KCNQ1OT1: variants seen among roughly 807,000 people sequenced by gnomAD.
KCNQ1OT1 encodes the protein KCNQ1 antisense RNA 2 (non-protein coding).
At chr11:2,697,489 AGTTTTGGTTTATAACTT>A in exon 1 of KCNQ1OT1, 1 of 398,584 alleles carries the variant, frequency 2.5e-6, no homozygotes, top group Non-Finnish European at 4.4e-6. Flanking sequence ...TGAAAAGTTA[AGTTTTGGTTTATAACTT>A]GTATCAAGTT....
In KCNQ1OT1 at chr11:2,647,721, G is replaced by C. The variant is rs1025554264; in HGVS notation, n.52274C>G. The C allele has an allele frequency of 5.0e-6, 2 of 398,150 alleles. No homozygotes were observed. Among genetic ancestry groups the C allele is most frequent in the Admixed American group, 4.4e-5 (1 of 22,698 alleles). 24.7% of individuals were successfully genotyped at this position (398,150 alleles called of 1,614,324 possible). A position where few individuals can be genotyped will look rare whatever the true frequency, so the allele number is the denominator to read the frequency against. On this transcript the variant is annotated non_coding_transcript_exon_variant, in exon 1 of 1. Transcript: ENST00000597346. This position sits in a 1 kb window ranked among gnomAD's most constrained non-coding sequence, Gnocchi z 4.0. ...TTTTTTTCTTCCTGGTTCAATCTTG[G>C]GAGGTTATATATGTCCAGGAATTTA...
chr11:2,627,580 T>G lies in KCNQ1OT1; in HGVS notation n.72415A>C, dbSNP rs950369517. On this transcript the variant is annotated non_coding_transcript_exon_variant, in exon 1 of 1. Coordinates refer to ENST00000597346, the Ensembl canonical transcript of KCNQ1OT1. The surrounding 1 kb of genome is among the most constrained non-coding windows in gnomAD (Gnocchi z 4.9). The stretch of plus-strand genomic sequence containing the variant: ...GTCTTTCTGTGTCTGGCTATTTCAC[T>G]TAGCATAATATCCTCCAGGTTCATC... The G allele has an allele frequency of 2.8e-5, 11 of 398,494 alleles. No individual in the cohort carries two copies. The highest frequency in any genetic ancestry group is 4.9e-5 in the Non-Finnish European group (11 of 226,082). The allele number at this position is 398,494 out of a possible 1,614,324, so 24.7% of individuals were successfully genotyped here.
Position 2,653,445 on chromosome 11 carries a change from T to C in KCNQ1OT1, n.46550A>G. The C allele has an allele frequency of 2.5e-6, 1 of 398,562 alleles. No homozygotes were observed. Among genetic ancestry groups the C allele is most frequent in the East Asian group, 3.6e-5 (1 of 28,074 alleles). 24.7% of individuals were successfully genotyped at this position (398,562 alleles called of 1,614,324 possible). On this transcript the variant is annotated non_coding_transcript_exon_variant, in exon 1 of 1. Coordinates refer to ENST00000597346, the Ensembl canonical transcript of KCNQ1OT1. The surrounding 1 kb of genome is among the most constrained non-coding windows in gnomAD (Gnocchi z 5.3). Reference sequence around the variant, plus strand: ...AACAAGCTTAAGCACAAAAGGGACATTTTTTGGCTCACACAGCTGGACCCA... The same window carrying C: ...AACAAGCTTAAGCACAAAAGGGACACTTTTTGGCTCACACAGCTGGACCCA...
chr11:2,612,972 A>C lies in KCNQ1OT1; in HGVS notation n.87023T>G. On this transcript the variant is annotated non_coding_transcript_exon_variant, in exon 1 of 1. Coordinates refer to ENST00000597346, the Ensembl canonical transcript of KCNQ1OT1. This position sits in a 1 kb window ranked among gnomAD's most constrained non-coding sequence, Gnocchi z 5.5. The stretch of plus-strand genomic sequence containing the variant: ...GAGTCTGTGTTCTCCTGCAGTGTGC[A>C]GCCACTGGTGTCTTTGCTCAGTTTT... 2.5e-6 allele frequency: 1 copy of C among 398,614 alleles called. No homozygotes were observed. Among genetic ancestry groups the C allele is most frequent in the Non-Finnish European group, 4.4e-6 (1 of 226,070 alleles). The allele number at this position is 398,614 out of a possible 1,614,324, so 24.7% of individuals were successfully genotyped here. A position where few individuals can be genotyped will look rare whatever the true frequency, so the allele number is the denominator to read the frequency against.
chr11:2,620,980 T>G lies in KCNQ1OT1; in HGVS notation n.79015A>C, dbSNP rs1564836199. ...TTTGTCTGTTTTTTGCTTTTTTGTT[T>G]GTTTGTTTGTTTTTTGAGAAAGAGT... On this transcript the variant is annotated non_coding_transcript_exon_variant, in exon 1 of 1. Coordinates refer to ENST00000597346, the Ensembl canonical transcript of KCNQ1OT1. The surrounding 1 kb of genome is among the most constrained non-coding windows in gnomAD (Gnocchi z 4.5). 2 of 397,896 alleles carry G rather than the reference T, an allele frequency of 5.0e-6. No homozygotes were observed. Among genetic ancestry groups the G allele is most frequent in the Non-Finnish European group, 4.4e-6 (1 of 226,024 alleles). 24.6% of individuals were successfully genotyped at this position (397,896 alleles called of 1,614,324 possible).
Position 2,665,278 on chromosome 11 carries a change from C to G in KCNQ1OT1, n.34717G>C, listed in dbSNP as rs565014702. 9.9e-4 allele frequency: 394 copies of G among 398,462 alleles called. No homozygotes were observed. The highest frequency in any genetic ancestry group is 1.3e-3 in the Admixed American group (29 of 22,708). 24.7% of individuals were successfully genotyped at this position (398,462 alleles called of 1,614,324 possible). ...CCTCAAACTCCCTGAGCCTGTGTCT[C>G]CCACCCAGAACCATATGACAGGGCT... On this transcript the variant is annotated non_coding_transcript_exon_variant, in exon 1 of 1. Transcript: ENST00000597346.
exon 1 of KCNQ1OT1, chr11:2,643,833 C>T: frequency 5.0e-6 from 2 of 398,482 alleles, no homozygotes; most frequent in Non-Finnish European, 4.4e-6. Context: ...TTTATTTCTC[C>T]TTCATTTCTG....
In KCNQ1OT1 at chr11:2,671,383, C is replaced by G; in HGVS notation, n.28612G>C. Reference sequence around the variant, plus strand: ...TATCCTGAAAAAGGTACAGGAACACCTGGCATGCCTCTCCCAGGGTACTCT... The same window carrying G: ...TATCCTGAAAAAGGTACAGGAACACGTGGCATGCCTCTCCCAGGGTACTCT... On this transcript the variant is annotated non_coding_transcript_exon_variant, in exon 1 of 1. Transcript: ENST00000597346. This position sits in a 1 kb window ranked among gnomAD's most constrained non-coding sequence, Gnocchi z 4.7. 1 of 398,592 alleles carries G rather than the reference C, an allele frequency of 2.5e-6. No homozygotes were observed. Among genetic ancestry groups the G allele is most frequent in the Non-Finnish European group, 4.4e-6 (1 of 226,058 alleles). The allele number at this position is 398,592 out of a possible 1,614,324, so 24.7% of individuals were successfully genotyped here.
chr11:2,678,649 C>T lies in KCNQ1OT1; in HGVS notation n.21346G>A. On this transcript the variant is annotated non_coding_transcript_exon_variant, in exon 1 of 1. Coordinates refer to ENST00000597346, the Ensembl canonical transcript of KCNQ1OT1. The surrounding 1 kb of genome is among the most constrained non-coding windows in gnomAD (Gnocchi z 4.9). Reference sequence around the variant, plus strand: ...GAGCCAATAATGGGAAGCTCATTTTCACAAATGCAGTCAACCAGGGGAATT... The same window carrying T: ...GAGCCAATAATGGGAAGCTCATTTTTACAAATGCAGTCAACCAGGGGAATT... 2.5e-6 allele frequency: 1 copy of T among 395,182 alleles called. No homozygotes were observed. The highest frequency in any genetic ancestry group is 4.4e-6 in the Non-Finnish European group (1 of 225,496). The allele number at this position is 395,182 out of a possible 1,614,324, so 24.5% of individuals were successfully genotyped here.
At chr11:2,630,122 C>A in exon 1 of KCNQ1OT1, 3 of 398,212 alleles carry the variant, frequency 7.5e-6, no homozygotes, top group Non-Finnish European at 8.9e-6. Context: ...TAGTTTTTAT[C>A]ATGGAAGGAT....
Position 2,649,013 on chromosome 11 carries a change from A to G in KCNQ1OT1, n.50982T>C, listed in dbSNP as rs535989929. On this transcript the variant is annotated non_coding_transcript_exon_variant, in exon 1 of 1. Transcript: ENST00000597346. ...TTTTTTTTTTTTTTTTTGACTCAGT[A>G]TTTTTTGTCTGTCTACTCCTGCATG... 784 of 237,546 alleles carry G rather than the reference A, an allele frequency of 3.3e-3. 8 individuals carry two copies. The African/African-American group carries it at 0.042, about 13-fold the overall frequency. The allele number at this position is 237,546 out of a possible 1,614,324, so 14.7% of individuals were successfully genotyped here. A position where few individuals can be genotyped will look rare whatever the true frequency, so the allele number is the denominator to read the frequency against.
At chr11:2,628,742 A>G (rs1849302552) in exon 1 of KCNQ1OT1, 1 of 398,326 alleles carries the variant, frequency 2.5e-6, no homozygotes, top group Non-Finnish European at 4.4e-6. Context: ...TCCCTGTTTT[A>G]TAGGTTTTAT....
Position 2,698,485 on chromosome 11 carries a change from A to C in KCNQ1OT1, n.1510T>G. The C allele has an allele frequency of 2.5e-6, 1 of 398,470 alleles. No individual in the cohort carries two copies. The highest frequency in any genetic ancestry group is 4.4e-6 in the Non-Finnish European group (1 of 226,058). The allele number at this position is 398,470 out of a possible 1,614,324, so 24.7% of individuals were successfully genotyped here. On this transcript the variant is annotated non_coding_transcript_exon_variant, in exon 1 of 1. Transcript: ENST00000597346. The surrounding 1 kb of genome is among the most constrained non-coding windows in gnomAD (Gnocchi z 5.1). ...CTCTCATCTCCAATATGACCAAGAG[A>C]CTTCTACCACTACCTCTCACCTGGC...
exon 1 of KCNQ1OT1, chr11:2,636,283 C>G (rs10766253): frequency 6.6e-6 from 1 of 151,730 alleles, no homozygotes; most frequent in Non-Finnish European, 1.5e-5. Flanking sequence ...GGGAATGCTT[C>G]CAGTTTTTGC....
At position 2,668,380 on chromosome 11, in the gene KCNQ1OT1, C is replaced by T; in HGVS notation, n.31615G>A. On this transcript the variant is annotated non_coding_transcript_exon_variant, in exon 1 of 1. Coordinates refer to ENST00000597346, the Ensembl canonical transcript of KCNQ1OT1. This position sits in a 1 kb window ranked among gnomAD's most constrained non-coding sequence, Gnocchi z 4.3. ...ATGTTTACTCTTAGTGAATACTACCCAGCAGTCTACCAAAGGAGTCATTCC... is the reference window on the plus strand; with the variant it reads ...ATGTTTACTCTTAGTGAATACTACCTAGCAGTCTACCAAAGGAGTCATTCC... The T allele has an allele frequency of 2.5e-6, 1 of 398,584 alleles. No individual in the cohort carries two copies. Among genetic ancestry groups the T allele is most frequent in the African/African-American group, 2.1e-5 (1 of 48,730 alleles). 24.7% of individuals were successfully genotyped at this position (398,584 alleles called of 1,614,324 possible).
chr11:2,699,725 G>A lies in KCNQ1OT1; in HGVS notation n.270C>T, dbSNP rs429298. On this transcript the variant is annotated non_coding_transcript_exon_variant, in exon 1 of 1. Coordinates refer to ENST00000597346, the Ensembl canonical transcript of KCNQ1OT1. ...GGAGAACGGCGCCGAGGAGTCCCCG[G>A]GGAGAACTGCGCCGAGGAGCCCCCA... The A allele has an allele frequency of 9.9e-4, 283 of 284,706 alleles. 2 individuals are homozygous for A. The highest frequency in any genetic ancestry group is 3.6e-3 in the Middle Eastern group (4 of 1,126). 17.6% of individuals were successfully genotyped at this position (284,706 alleles called of 1,614,324 possible).
chr11:2,615,338 A>T, exon 1 of KCNQ1OT1: 1 of 398,096 alleles, frequency 2.5e-6, no homozygotes, highest in East Asian at 3.6e-5. Flanking sequence ...GTCATTATTG[A>T]ATAAAGAGTT....
At chr11:2,616,977 AT>A (rs1253274046) in exon 1 of KCNQ1OT1, 7 of 394,894 alleles carry the variant, frequency 1.8e-5, no homozygotes, top group Non-Finnish European at 2.2e-5. Flanking sequence ...TTTTTTTTTA[AT>A]TTTAAAAATA....
At position 2,674,275 on chromosome 11, in the gene KCNQ1OT1, CACTAGG is replaced by C; in HGVS notation, n.25714_25719del. ...CCTCTCTCCCAGCCCCCGGCACACACACTAGGACCTTTCTTCATCATGCAGCCGTAG... is the reference window on the plus strand; with the variant it reads ...CCTCTCTCCCAGCCCCCGGCACACACACCTTTCTTCATCATGCAGCCGTAG... On this transcript the variant is annotated non_coding_transcript_exon_variant, in exon 1 of 1. Coordinates refer to ENST00000597346, the Ensembl canonical transcript of KCNQ1OT1. This position sits in a 1 kb window ranked among gnomAD's most constrained non-coding sequence, Gnocchi z 5.9. The C allele has an allele frequency of 2.5e-6, 1 of 398,684 alleles. No homozygotes were observed. Among genetic ancestry groups the C allele is most frequent in the East Asian group, 3.6e-5 (1 of 28,068 alleles). The allele number at this position is 398,684 out of a possible 1,614,324, so 24.7% of individuals were successfully genotyped here.
Sources: gnomAD v4.1 joint callset for allele counts on GRCh38, gnomAD v4.1.1 for gene constraint, Gnocchi (gnomAD v3.1) non-coding constraint, MANE v1.5 for transcripts, NCBI Gene and HGNC (gene_info 2026-07-23, HGNC 2026-07-21) for gene names.